Variants in CCDC171 observed in about 807,000 individuals in gnomAD.
The protein encoded by CCDC171 is coiled-coil domain containing 171, also known as coiled-coil domain-containing protein 171.
A neutral mutation model predicts 168.2 loss-of-function variants in CCDC171; 177 were observed. The observed-to-expected ratio is 1.05, with a 90% CI of 0.93 to 1.19. CCDC171 has a LOEUF of 1.19. Among genes scored for constraint, CCDC171 ranks in the 50% most tolerant of loss-of-function variants. The pLI is 0.00. For missense variants in CCDC171, 1,991 were observed against 1,539.0 expected, an observed-to-expected ratio of 1.29 and a Z score of -4.91; for synonymous variants, 687 against 540.8, an observed-to-expected ratio of 1.27 and a Z score of -3.75.
intron 3 of CCDC171, among the ~76,000 whole-genome samples, chr9:15,987,033 A>G (rs1187674687): frequency 6.6e-6 from 1 of 151,892 alleles, no homozygotes; most frequent in Non-Finnish European, 1.5e-5. Context: ...TGAATGTACT[A>G]GAAATATACA....
intron 6 of CCDC171, among the ~76,000 whole-genome samples, chr9:16,032,030 C>T (rs1266290469): frequency 6.6e-6 from 1 of 152,200 alleles, no homozygotes; most frequent in East Asian, 1.9e-4. Flanking sequence ...GAAACATGTT[C>T]AAAGGCCTTT....
At chr9:15,630,720 T>C (rs1006188084) in intron 7 of CCDC171, among the ~76,000 whole-genome samples, 9 of 152,168 alleles carry the variant, frequency 5.9e-5, no homozygotes, top group African/African-American at 2.2e-4. Flanking sequence ...CAACAGAATA[T>C]ACATTTTTTT....
chr9:15,606,834 A>C (rs371840450), intron 6 of CCDC171, among the ~76,000 whole-genome samples: 2 of 152,302 alleles, frequency 1.3e-5, no homozygotes, highest in East Asian at 3.9e-4. Flanking sequence ...TTTTAAGTTC[A>C]ACAGCCCCCT....
intron 25 of CCDC171, among the ~76,000 whole-genome samples, chr9:15,959,461 C>T (rs1352921431): frequency 6.6e-6 from 1 of 152,100 alleles, no homozygotes; most frequent in African/African-American, 2.4e-5. Flanking sequence ...AAGTAGGAAA[C>T]AGCGAAGTCT....
At chr9:15,645,222 C>G (rs1171910648) in intron 7 of CCDC171, among the ~76,000 whole-genome samples, 3 of 152,146 alleles carry the variant, frequency 2.0e-5, no homozygotes, top group African/African-American at 7.2e-5. Context: ...GACATTCACA[C>G]CAAAACCCCA....
At chr9:15,620,185 A>C (rs914257612) in intron 6 of CCDC171, among the ~76,000 whole-genome samples, 2 of 152,200 alleles carry the variant, frequency 1.3e-5, no homozygotes, top group Non-Finnish European at 2.9e-5. Flanking sequence ...TTGACTTTCA[A>C]GTCTTATTAC....
intron 6 of CCDC171, among the ~76,000 whole-genome samples, chr9:15,601,744 G>C (rs541478297): frequency 1.3e-5 from 2 of 152,304 alleles, no homozygotes; most frequent in South Asian, 4.1e-4. Context: ...GAGCCTACAG[G>C]ATATTTAAGT....
Position 15,738,579 on chromosome 9 carries a change from A to G in CCDC171, c.2050-5694A>G, listed in dbSNP as rs143345113. Among the ~76,000 whole-genome samples the G allele has an allele frequency of 3.1e-3, 469 of 152,250 alleles. 1 individual carries two copies. The highest frequency in any genetic ancestry group is 5.0e-3 in the Non-Finnish European group (343 of 68,016). On this transcript the variant is annotated intron_variant, in intron 16 of 25. Coordinates refer to ENST00000380701, the MANE Select transcript of CCDC171 (RefSeq NM_173550.4). ...AAGCGATGTTCCTTATGTTTGTTTT[A>G]AAAATACTGGCCTTTAATCTCCTTG...
At chr9:15,974,730 T>C (rs1263386571), downstream of CCDC171, among the ~76,000 whole-genome samples, 1 of 152,198 alleles carries the variant, frequency 6.6e-6, no homozygotes, top group Non-Finnish European at 1.5e-5. Flanking sequence ...AATAACCTTT[T>C]AAATAGAATG....
chr9:16,027,511 C>T (rs1053380847), intron 6 of CCDC171, among the ~76,000 whole-genome samples: 1 of 152,136 alleles, frequency 6.6e-6, no homozygotes, highest in African/African-American at 2.4e-5. Flanking sequence ...TCCCCAAAAT[C>T]AAAGTTGCGA....
intron 4 of CCDC171, among the ~76,000 whole-genome samples, chr9:16,021,466 G>A (rs1833161414): frequency 1.3e-5 from 2 of 152,156 alleles, no homozygotes; most frequent in South Asian, 4.1e-4. Context: ...ATAAGTTCAG[G>A]AATCAGAGAA....
intron 3 of CCDC171, among the ~76,000 whole-genome samples, chr9:15,986,802 A>G (rs1488262971): frequency 4.1e-4 from 62 of 152,184 alleles, no homozygotes; most frequent in Admixed American, 4.0e-3. Context: ...CACAGATTCT[A>G]TAAGGATTCT....
rs372286501 is a variant in CCDC171 at position 15,835,033 on chromosome 9, T to G, written c.3268-11669T>G. ...TCATTTATCTGTGAAGAATGTTGAT[T>G]TGGGGTTTCTAAGCTGTGTCATGGC... On this transcript the variant is annotated intron_variant, in intron 21 of 25. Coordinates refer to ENST00000380701, the MANE Select transcript of CCDC171 (RefSeq NM_173550.4). Among the ~76,000 whole-genome samples, 204 of 152,330 alleles carry G rather than the reference T, an allele frequency of 1.3e-3. 2 individuals carry two copies. The South Asian group carries it at 0.016, about 12-fold the overall frequency.
chr9:15,580,611 CA>C (rs748380260), intron 4 of CCDC171, among the ~76,000 whole-genome samples: 6 of 151,650 alleles, frequency 4.0e-5, no homozygotes, highest in Non-Finnish European at 7.4e-5. Context: ...TACAAATGGC[CA>C]AAAAACATAT....
chr9:15,993,849 C>A (rs1025644405), intron 3 of CCDC171, among the ~76,000 whole-genome samples: 3 of 152,116 alleles, frequency 2.0e-5, no homozygotes, highest in Non-Finnish European at 4.4e-5. Flanking sequence ...ATGCTTATCA[C>A]TGGCCATCAG....
intron 25 of CCDC171, among the ~76,000 whole-genome samples, chr9:15,948,764 TTGTGG>T (rs1187502501): frequency 2.6e-5 from 4 of 151,580 alleles, no homozygotes; most frequent in Non-Finnish European, 4.4e-5. Flanking sequence ...TTCTCCCATT[TTGTGG>T]GTTGCCTGTT....
At chr9:16,093,020 C>G in the CCDC171 span, among the ~76,000 whole-genome samples, 4 of 152,136 alleles carry the variant, frequency 2.6e-5, no homozygotes, top group African/African-American at 9.7e-5. Context: ...AATGGCCTTG[C>G]TGACAAAACG....
chr9:15,905,009 C>G (rs1472987813), intron 24 of CCDC171, among the ~76,000 whole-genome samples: 4 of 152,142 alleles, frequency 2.6e-5, no homozygotes, highest in Non-Finnish European at 4.4e-5. Flanking sequence ...CAGGAGCACT[C>G]AGATTCATAA....
chr9:16,096,409 C>T, the CCDC171 span, among the ~76,000 whole-genome samples: 4 of 152,128 alleles, frequency 2.6e-5, no homozygotes, highest in Non-Finnish European at 5.9e-5. Context: ...AGTCCAGACC[C>T]AAAAGAGGAT....
Sources: gnomAD v4.1 joint callset for allele counts (sites outside exome capture counted in the v4.1 genomes callset) on GRCh38, gnomAD v4.1.1 for gene constraint, MANE v1.5 for transcripts, NCBI Gene and HGNC (gene_info 2026-07-23, HGNC 2026-07-21) for gene names.